The following TMEM192 variants were observed in gnomAD, a reference collection of about 807,000 sequenced individuals.
TMEM192 encodes transmembrane protein 192.
Under a neutral mutation model 26.7 loss-of-function variants are expected in TMEM192, and 20 were observed. The observed-to-expected ratio is 0.75, with a 90% CI of 0.53 to 1.09. TMEM192 has a LOEUF of 1.09. Among genes scored for constraint, TMEM192 ranks in the 50% least tolerant of loss-of-function variants. TMEM192 has a pLI of 0.00. For missense variants in TMEM192, 304 were observed against 322.6 expected (o/e 0.94, Z 0.44); for synonymous variants, 124 against 121.0 (o/e 1.02, Z -0.16).
chr4:165,084,400 T>C (rs1252795831), intron 5 of TMEM192, among the ~76,000 whole-genome samples: 1 of 151,716 alleles, frequency 6.6e-6, no homozygotes, highest in Non-Finnish European at 1.5e-5. Flanking sequence ...GGTTTCATCA[T>C]GTTGGCCAGG....
chr4:165,094,756 G>C (rs1410515390), intron 3 of TMEM192, among the ~76,000 whole-genome samples: 4 of 151,838 alleles, frequency 2.6e-5, no homozygotes, highest in Non-Finnish European at 5.9e-5. Flanking sequence ...AGGTGGATCA[G>C]TCGAGGTCGG....
intron 1 of TMEM192, among the ~76,000 whole-genome samples, chr4:165,108,947 G>A (rs1408574722): frequency 6.6e-6 from 1 of 152,196 alleles, no homozygotes; most frequent in East Asian, 1.9e-4. Flanking sequence ...CAGTAAGCCG[G>A]AGCAGTGATA....
chr4:165,108,635 C>T (rs1445499080), intron 1 of TMEM192, among the ~76,000 whole-genome samples: 1 of 152,114 alleles, frequency 6.6e-6, no homozygotes, highest in Non-Finnish European at 1.5e-5. Context: ...TATTCTTGGC[C>T]CTGTATGGAG....
At chr4:165,098,276 C>A (rs1033131418) in intron 3 of TMEM192, among the ~76,000 whole-genome samples, 2 of 151,864 alleles carry the variant, frequency 1.3e-5, no homozygotes, top group African/African-American at 4.8e-5. Flanking sequence ...AGTTGCCCGC[C>A]ACCACGTTCA....
rs755996210 is a variant in TMEM192 at position 165,103,008 on chromosome 4, C to T, written c.116G>A (p.Arg39Lys). The change falls in exon 2 of 6, where the codon AGA becomes AAA. Residue 39 changes from arginine to lysine, a missense_variant. Transcript: ENST00000306480. The stretch of plus-strand genomic sequence containing the variant: ...TGTAGGAAGAGGATGGAATCGGGGT[C>T]TAAAGTGAGCTTGTAATGAGTGGTG... ...LPHHSLQAHF[R>K]PRFHPLPTVI... is the part of the protein sequence containing the mutation. The T allele has an allele frequency of 1.9e-6, 3 of 1,613,518 alleles. No homozygotes were observed. In the African/African-American group the frequency reaches 4.0e-5, roughly 22 times the overall value.
At chr4:165,112,105 G>A (rs1560938594) in intron 1 of TMEM192, among the ~76,000 whole-genome samples, 1 of 151,992 alleles carries the variant, frequency 6.6e-6, no homozygotes, top group Non-Finnish European at 1.5e-5. Context: ...TTTTGTTTTG[G>A]TAATCTGGTT....
intron 1 of TMEM192, among the ~76,000 whole-genome samples, chr4:165,108,045 C>T (rs6858582): frequency 0.044 from 6,676 of 150,046 alleles, 208 homozygotes; most frequent in East Asian, 0.13. Context: ...CATGCCTTGT[C>T]ATTTTTTATT....
rs1734394140 is a variant in TMEM192, at chr4:165,076,814, T to C, written c.*2844A>G. ...ATTTTTCTGTTTTGTTACTTCTTTT[T>C]TTTTTGAGATCGAGTCTAGCTCTGT... On this transcript the variant is annotated 3_prime_UTR_variant, in exon 6 of 6. Coordinates refer to ENST00000306480, the MANE Select transcript of TMEM192 (RefSeq NM_001100389.2). 1 of 152,250 alleles carries C rather than the reference T, an allele frequency of 6.6e-6. No individual in the cohort carries two copies. Among genetic ancestry groups the C allele is most frequent in the South Asian group, 2.1e-4 (1 of 4,832 alleles). The allele number at this position is 152,250 out of a possible 1,614,324, so 9.4% of individuals were successfully genotyped here.
At chr4:165,085,483 A>C in intron 5 of TMEM192, 103 bp downstream of exon 5, 1 of 775,704 alleles carries the variant, frequency 1.3e-6, no homozygotes, top group Non-Finnish European at 2.1e-6. Context: ...AAATCAAACA[A>C]ATGTAAAAGT....
intron 3 of TMEM192, among the ~76,000 whole-genome samples, chr4:165,095,419 T>C (rs1734871230): frequency 1.3e-5 from 2 of 152,054 alleles, no homozygotes; most frequent in African/African-American, 4.8e-5. Flanking sequence ...GGCCCAGACA[T>C]CAGTGAGGAC....
chr4:165,081,482 C>T (rs1734519140), intron 5 of TMEM192, among the ~76,000 whole-genome samples: 2 of 120,648 alleles, frequency 1.7e-5, no homozygotes, highest in South Asian at 6.7e-4. Flanking sequence ...CTCATGGGTT[C>T]ATGCCATTCT....
intron 3 of TMEM192, among the ~76,000 whole-genome samples, chr4:165,094,596 G>C (rs980279125): frequency 6.6e-6 from 1 of 151,794 alleles, no homozygotes; most frequent in South Asian, 2.1e-4. Context: ...GGCGGTGGCT[G>C]CAGTGAGCTG....
intron 1 of TMEM192, among the ~76,000 whole-genome samples, chr4:165,103,758 G>T (rs887537564): frequency 6.6e-6 from 1 of 152,116 alleles, no homozygotes; most frequent in African/African-American, 2.4e-5. Flanking sequence ...CTGACCTCAG[G>T]TGATCCGCCT....
intron 3 of TMEM192, among the ~76,000 whole-genome samples, chr4:165,090,910 CA>C (rs70952700): frequency 4.7e-4 from 24 of 51,020 alleles, no homozygotes; most frequent in African/African-American, 1.4e-3. Context: ...GACTCTGTCT[CA>C]AAAAAAAAAA....
At chr4:165,097,748 A>G (rs1734947253) in intron 3 of TMEM192, among the ~76,000 whole-genome samples, 1 of 151,440 alleles carries the variant, frequency 6.6e-6, no homozygotes, top group Non-Finnish European at 1.5e-5. Context: ...CCAAGTAGCT[A>G]GGACTACAGG....
At chr4:165,097,785 ATTTAT>A (rs142532552) in intron 3 of TMEM192, among the ~76,000 whole-genome samples, 3,485 of 151,054 alleles carry the variant, frequency 0.023, 134 homozygotes, top group African/African-American at 0.078. Flanking sequence ...TGACTAATTT[ATTTAT>A]TTTATTTTAT....
chr4:165,080,678 T>C (rs772236683), intron 5 of TMEM192, among the ~76,000 whole-genome samples: 9 of 152,286 alleles, frequency 5.9e-5, no homozygotes, highest in Middle Eastern at 3.4e-3. Context: ...TGCTTATAAA[T>C]AATGTGGTTA....
At position 165,079,560 on chromosome 4, in the gene TMEM192, C is replaced by CA. The variant is rs1413176323; in HGVS notation, c.*97dup. The CA allele has an allele frequency of 2.2e-6, 3 of 1,382,076 alleles. No individual in the cohort carries two copies. In the African/African-American group the frequency reaches 4.4e-5, roughly 20 times the overall value. 85.6% of individuals were successfully genotyped at this position (1,382,076 alleles called of 1,614,324 possible). On this transcript the variant is annotated 3_prime_UTR_variant, in exon 6 of 6. Transcript: ENST00000306480. The stretch of plus-strand genomic sequence containing the variant: ...CCAACAAACACTGTAAAATGCTATT[C>CA]AGCAAAAGCTGCAGTTCCCCGTGGC...
At chr4:165,086,588 A>AT (rs1382431084) in intron 4 of TMEM192, among the ~76,000 whole-genome samples, 5 of 151,438 alleles carry the variant, frequency 3.3e-5, no homozygotes, top group South Asian at 2.1e-4. Context: ...CACCCAGCTA[A>AT]TTTTTTTTGT....
Sources: gnomAD v4.1 joint callset for allele counts (sites outside exome capture counted in the v4.1 genomes callset) on GRCh38, gnomAD v4.1.1 for gene constraint, MANE v1.5 for transcripts, NCBI Gene and HGNC (gene_info 2026-07-23, HGNC 2026-07-21) for gene names.